Variants in RAPGEF5 observed in about 807,000 individuals in gnomAD.
RAPGEF5 encodes the protein M-Ras-regulated GEF.
Under a neutral mutation model 125.2 loss-of-function variants are expected in RAPGEF5, and 65 were observed. The ratio of observed to expected loss-of-function variants is 0.52; its 90% CI spans 0.43 to 0.64. The LOEUF is 0.64. RAPGEF5 is among the 30% of genes least tolerant of loss of function. RAPGEF5 has a pLI of 0.00. For missense variants in RAPGEF5, 958 were observed against 1,048.1 expected (o/e 0.91, Z 1.19); for synonymous variants, 391 against 385.9 (o/e 1.01, Z -0.16).
chr7:22,289,502 G>A (rs1485096728), intron 6 of RAPGEF5, among the ~76,000 whole-genome samples: 2 of 152,210 alleles, frequency 1.3e-5, no homozygotes, highest in African/African-American at 4.8e-5. Context: ...GTATGTGTGT[G>A]TACACACAAA....
At chr7:22,297,949 T>G (rs1325722951) in intron 5 of RAPGEF5, among the ~76,000 whole-genome samples, 1 of 152,142 alleles carries the variant, frequency 6.6e-6, no homozygotes, top group Non-Finnish European at 1.5e-5. Context: ...TCTGAGAATT[T>G]TTATCTTGAA....
chr7:22,283,371 AATTTGTCTTATTCC>A (rs1782719842), intron 6 of RAPGEF5, among the ~76,000 whole-genome samples: 1 of 152,176 alleles, frequency 6.6e-6, no homozygotes, highest in Non-Finnish European at 1.5e-5. Context: ...ACTAATTTAA[AATTTGTCTTATTCC>A]ATCACCACCA....
In RAPGEF5 at chr7:22,139,957, C is replaced by G. The variant is rs1016061639; in HGVS notation, c.2277+68G>C. On this transcript the variant is annotated intron_variant, in intron 21 of 25. Transcript: ENST00000665637. Reference sequence around the variant, plus strand: ...ATTTTTAGTTTAGTAGTACTTATCTCATTTAATCCATGTAAATTACTTTAT... The same window carrying G: ...ATTTTTAGTTTAGTAGTACTTATCTGATTTAATCCATGTAAATTACTTTAT... 7 of 1,343,260 alleles carry G rather than the reference C, an allele frequency of 5.2e-6. No individual in the cohort carries two copies. The East Asian group carries it at 1.5e-4, about 29-fold the overall frequency. 83.2% of individuals were successfully genotyped at this position (1,343,260 alleles called of 1,614,324 possible).
intron 7 of RAPGEF5, among the ~76,000 whole-genome samples, chr7:22,264,917 C>T (rs923105292): frequency 1.3e-5 from 2 of 152,142 alleles, no homozygotes; most frequent in Non-Finnish European, 2.9e-5. Flanking sequence ...TTTATCATGA[C>T]GAGAATCAAG....
At chr7:22,181,002 CCATCAG>C (rs1258936455) in intron 11 of RAPGEF5, among the ~76,000 whole-genome samples, 2 of 152,140 alleles carry the variant, frequency 1.3e-5, no homozygotes, top group African/African-American at 4.8e-5. Flanking sequence ...TCTACAGAAG[CCATCAG>C]TAAATGAAAA....
At chr7:22,276,580 G>C (rs1483540070) in intron 6 of RAPGEF5, among the ~76,000 whole-genome samples, 1 of 152,184 alleles carries the variant, frequency 6.6e-6, no homozygotes, top group African/African-American at 2.4e-5. Flanking sequence ...GATAAACTCA[G>C]ATTAGCGAAG....
At chr7:22,137,253 T>C (rs1237471506) in intron 21 of RAPGEF5, among the ~76,000 whole-genome samples, 1 of 152,228 alleles carries the variant, frequency 6.6e-6, no homozygotes, top group East Asian at 1.9e-4. Context: ...ATACTGGTGG[T>C]CATTTAATAA....
intron 9 of RAPGEF5, among the ~76,000 whole-genome samples, chr7:22,212,566 C>T (rs1024658080): frequency 9.0e-6 from 1 of 111,712 alleles, no homozygotes; most frequent in African/African-American, 3.0e-5. Context: ...CTCTTTACTT[C>T]TTGATATCTC....
Position 22,229,417 on chromosome 7 carries a change from A to C in RAPGEF5, c.870+1429T>G, listed in dbSNP as rs575402398. 1.3e-3 allele frequency among the ~76,000 whole-genome samples: 205 copies of C among 152,318 alleles called. 1 individual carries two copies. The highest frequency in any genetic ancestry group is 4.8e-3 in the African/African-American group (198 of 41,576). ...TATGCGGAAGAAGGAATCAGAATCC[A>C]CTTAACTTGCTTAAAATATGCTCTG... On this transcript the variant is annotated intron_variant, in intron 8 of 25. Transcript: ENST00000665637.
intron 7 of RAPGEF5, among the ~76,000 whole-genome samples, chr7:22,253,799 A>G (rs1786682295): frequency 2.0e-5 from 3 of 152,234 alleles, no homozygotes; most frequent in Admixed American, 1.3e-4. Flanking sequence ...ACTAACATCC[A>G]TTCTAAAATC....
intron 17 of RAPGEF5, among the ~76,000 whole-genome samples, chr7:22,153,768 G>A (rs1329448193): frequency 6.6e-6 from 1 of 152,112 alleles, no homozygotes; most frequent in Non-Finnish European, 1.5e-5. Context: ...CAGGGTTAAG[G>A]AGATATTAAA....
chr7:22,247,962 G>C (rs1352341860), intron 7 of RAPGEF5, among the ~76,000 whole-genome samples: 8 of 152,094 alleles, frequency 5.3e-5, no homozygotes, highest in Non-Finnish European at 1.2e-4. Context: ...AATAGACACT[G>C]TAGACTACTG....
intron 14 of RAPGEF5, among the ~76,000 whole-genome samples, chr7:22,160,315 T>C (rs75440283): frequency 0.023 from 3,572 of 152,252 alleles, 49 homozygotes; most frequent in Middle Eastern, 0.065. Flanking sequence ...GTTAAAACAA[T>C]AGTCAATAAG....
chr7:22,127,833 T>C (rs900733694), intron 24 of RAPGEF5, among the ~76,000 whole-genome samples: 6 of 152,222 alleles, frequency 3.9e-5, no homozygotes, highest in African/African-American at 1.4e-4. Flanking sequence ...AGAAATATTA[T>C]TGGAATATGA....
intron 7 of RAPGEF5, among the ~76,000 whole-genome samples, chr7:22,246,874 T>C (rs190541536): frequency 1.6e-3 from 245 of 151,948 alleles, no homozygotes; most frequent in Middle Eastern, 6.8e-3. Context: ...ACTTAAACAA[T>C]TGAACAGGAA....
chr7:22,190,222 G>C (rs577335141), intron 11 of RAPGEF5, among the ~76,000 whole-genome samples: 5 of 152,090 alleles, frequency 3.3e-5, no homozygotes, highest in African/African-American at 9.6e-5. Flanking sequence ...AGAGGTTGCA[G>C]TGAGCCAAGA....
chr7:22,246,388 C>A (rs1786477652), intron 7 of RAPGEF5, among the ~76,000 whole-genome samples: 1 of 152,078 alleles, frequency 6.6e-6, no homozygotes, highest in African/African-American at 2.4e-5. Context: ...ACACAAAGAC[C>A]AATGGAACAG....
intron 11 of RAPGEF5, among the ~76,000 whole-genome samples, chr7:22,174,301 C>A (rs751089008): frequency 2.0e-5 from 3 of 152,146 alleles, no homozygotes; most frequent in Non-Finnish European, 2.9e-5. Context: ...AGCAAAGCAA[C>A]GGATGTGGGT....
intron 7 of RAPGEF5, among the ~76,000 whole-genome samples, chr7:22,252,628 C>T (rs1373351249): frequency 6.6e-6 from 1 of 152,154 alleles, no homozygotes; most frequent in Non-Finnish European, 1.5e-5. Flanking sequence ...TCTCAGATCT[C>T]CTGCTCATCA....
Sources: gnomAD v4.1 joint callset for allele counts (sites outside exome capture counted in the v4.1 genomes callset) on GRCh38, gnomAD v4.1.1 for gene constraint, MANE v1.5 for transcripts, NCBI Gene and HGNC (gene_info 2026-07-23, HGNC 2026-07-21) for gene names.